TRIM2: variants seen among roughly 807,000 people sequenced by gnomAD.
TRIM2 encodes tripartite motif containing 2, also known as tripartite motif-containing protein 2.
Under a neutral mutation model 75.2 loss-of-function variants are expected in TRIM2, and 20 were observed. The observed-to-expected ratio is 0.27, with a 90% CI of 0.19 to 0.39. TRIM2 has a LOEUF of 0.39. Among genes scored for constraint, TRIM2 ranks in the 10% least tolerant of loss-of-function variants. The pLI, the probability that TRIM2 is intolerant of heterozygous loss-of-function variation, is 1.00. For missense variants in TRIM2, 660 were observed against 990.8 expected (o/e 0.67, Z 4.48); for synonymous variants, 373 against 388.3 (o/e 0.96, Z 0.46).
At chr4:153,267,336 C>A (rs138528141) in intron 1 of TRIM2, among the ~76,000 whole-genome samples, 100 of 152,248 alleles carry the variant, frequency 6.6e-4, no homozygotes, top group Non-Finnish European at 1.1e-3. Context: ...CTTGACTGAG[C>A]CTCTGTTTTG....
chr4:153,155,181 T>C (rs1317961636), intron 1 of TRIM2, among the ~76,000 whole-genome samples: 1 of 152,170 alleles, frequency 6.6e-6, no homozygotes, highest in Non-Finnish European at 1.5e-5. Context: ...CAAATTTTGG[T>C]TTTCCATCTC....
chr4:153,227,143 T>C (rs1446355602), intron 1 of TRIM2, among the ~76,000 whole-genome samples: 17 of 152,196 alleles, frequency 1.1e-4, no homozygotes, highest in Admixed American at 3.3e-4. Flanking sequence ...ACAAACACTT[T>C]CTGAGAGAAT....
intron 1 of TRIM2, among the ~76,000 whole-genome samples, chr4:153,231,937 A>G (rs1435035645): frequency 6.6e-6 from 1 of 152,200 alleles, no homozygotes; most frequent in Admixed American, 6.5e-5. Context: ...TCCAAGTCCA[A>G]AACATTTTGG....
At chr4:153,255,707 A>G (rs573491876) in intron 1 of TRIM2, among the ~76,000 whole-genome samples, 24 of 152,368 alleles carry the variant, frequency 1.6e-4, no homozygotes, top group African/African-American at 4.6e-4. Context: ...CCCAGTGTCC[A>G]TCGACTGATG....
chr4:153,267,434 C>T (rs4696180), intron 1 of TRIM2, among the ~76,000 whole-genome samples: 80,034 of 151,734 alleles, frequency 0.53, 22,208 homozygotes, highest in African/African-American at 0.7. Context: ...GGGTGGATCA[C>T]GAGGTCAGGA....
intron 1 of TRIM2, among the ~76,000 whole-genome samples, chr4:153,182,953 G>A (rs58163800): frequency 0.24 from 35,801 of 152,056 alleles, 4,810 homozygotes; most frequent in African/African-American, 0.36. Flanking sequence ...GACCTTATTT[G>A]TTTATTGTCT....
intron 11 of TRIM2, among the ~76,000 whole-genome samples, chr4:153,330,440 T>G (rs906252801): frequency 2.0e-5 from 3 of 152,170 alleles, no homozygotes; most frequent in Non-Finnish European, 4.4e-5. Context: ...CAGCAATATG[T>G]AAAAATTGCT....
At chr4:153,241,340 A>G (rs567578565) in intron 1 of TRIM2, among the ~76,000 whole-genome samples, 2 of 152,310 alleles carry the variant, frequency 1.3e-5, no homozygotes, top group East Asian at 3.9e-4. Context: ...CTCATCGCAC[A>G]TTGTTGGAAG....
intron 1 of TRIM2, among the ~76,000 whole-genome samples, chr4:153,251,624 A>G (rs1288139873): frequency 6.6e-6 from 1 of 152,090 alleles, no homozygotes; most frequent in Non-Finnish European, 1.5e-5. Flanking sequence ...CATATGCATC[A>G]CCTCATACCT....
At chr4:153,240,191 C>T (rs778970289) in intron 1 of TRIM2, among the ~76,000 whole-genome samples, 3 of 152,172 alleles carry the variant, frequency 2.0e-5, no homozygotes, top group Non-Finnish European at 4.4e-5. Flanking sequence ...GAATATCATA[C>T]TCATACCCAC....
chr4:153,199,195 G>A (rs761328099), intron 1 of TRIM2, among the ~76,000 whole-genome samples: 43 of 152,124 alleles, frequency 2.8e-4, no homozygotes, highest in Non-Finnish European at 5.6e-4. Context: ...GAAATTTCTG[G>A]CAAAGTCTTC....
intron 1 of TRIM2, among the ~76,000 whole-genome samples, chr4:153,171,383 C>A (rs1197796460): frequency 6.6e-6 from 1 of 152,050 alleles, no homozygotes; most frequent in Non-Finnish European, 1.5e-5. Context: ...GTTGGGAGTT[C>A]CAGACCAGCC....
intron 1 of TRIM2, among the ~76,000 whole-genome samples, chr4:153,236,521 A>T (rs1479533624): frequency 6.6e-6 from 1 of 152,102 alleles, no homozygotes; most frequent in African/African-American, 2.4e-5. Flanking sequence ...AAACAGTAGT[A>T]GTTGTCCTCA....
chr4:153,177,051 C>T (rs1363248971), intron 1 of TRIM2, among the ~76,000 whole-genome samples: 1 of 152,150 alleles, frequency 6.6e-6, no homozygotes, highest in African/African-American at 2.4e-5. Context: ...ATAAAGTTTC[C>T]AGGTCTCAGC....
At chr4:153,226,562 A>C (rs1179861497) in intron 1 of TRIM2, among the ~76,000 whole-genome samples, 3 of 152,240 alleles carry the variant, frequency 2.0e-5, no homozygotes, top group African/African-American at 7.2e-5. Context: ...AGTGTTTTTC[A>C]GGTTTCAGAA....
intron 8 of TRIM2, among the ~76,000 whole-genome samples, chr4:153,319,738 A>AT (rs1312303709): frequency 5.3e-5 from 8 of 151,838 alleles, no homozygotes; most frequent in South Asian, 4.2e-4. Flanking sequence ...CTCAAAAAAA[A>AT]AATATATATA....
chr4:153,247,965 G>A (rs1749729950), intron 1 of TRIM2, among the ~76,000 whole-genome samples: 1 of 150,010 alleles, frequency 6.7e-6, no homozygotes, highest in African/African-American at 2.5e-5. Flanking sequence ...TGTTCTGACT[G>A]CTTATGATGC....
intron 1 of TRIM2, among the ~76,000 whole-genome samples, chr4:153,214,132 TA>T (rs1228172811): frequency 2.6e-5 from 4 of 152,338 alleles, no homozygotes; most frequent in African/African-American, 9.6e-5. Flanking sequence ...TACTAGAGCA[TA>T]AGATATAAAC....
At chr4:153,306,212 C>G (rs1764970176) in intron 6 of TRIM2, among the ~76,000 whole-genome samples, 1 of 151,932 alleles carries the variant, frequency 6.6e-6, no homozygotes, top group Admixed American at 6.6e-5. Flanking sequence ...AATTATTTAA[C>G]CTCTCTGTGC....
Sources: allele counts gnomAD v4.1 joint callset (sites outside exome capture counted in the v4.1 genomes callset), GRCh38; gene constraint gnomAD v4.1.1; transcripts MANE v1.5; gene names NCBI Gene and HGNC (gene_info 2026-07-23, HGNC 2026-07-21).